Variants in SBK1 observed in about 807,000 individuals in gnomAD.
The protein encoded by SBK1 is serine/threonine-protein kinase SBK1.
A neutral mutation model predicts 24.4 loss-of-function variants in SBK1; 11 were observed. The observed-to-expected ratio is 0.45, with a 90% confidence interval of 0.28 to 0.75. The LOEUF (loss-of-function observed/expected upper bound fraction) is 0.75, where lower values mean the gene tolerates loss of function less well. Among genes scored for constraint, SBK1 ranks in the 30% least tolerant of loss-of-function variants. The probability of loss-of-function intolerance (pLI) is 0.12; values close to 1 mark genes in which losing one functional copy is unlikely to be tolerated. For synonymous variants in SBK1, 308 were observed against 284.4 expected (o/e 1.08, Z -0.83); for missense variants, 467 against 620.5 (o/e 0.75, Z 2.63).
At chr16:28,288,440 C>T (rs1321874484), upstream of SBK1, among the ~76,000 whole-genome samples, 1 of 152,218 alleles carries the variant, frequency 6.6e-6, no homozygotes, top group Non-Finnish European at 1.5e-5. Context: ...CTGTGAGCCT[C>T]TCTTTCTATG....
intron 1 of SBK1, among the ~76,000 whole-genome samples, chr16:28,279,251 C>T (rs983605844): frequency 6.7e-6 from 1 of 150,202 alleles, no homozygotes; most frequent in Admixed American, 6.6e-5. Context: ...CACCATCACA[C>T]AGCTGGGCGC....
At position 28,292,525 on chromosome 16, in the gene SBK1, G is replaced by A. The variant is rs1180746000; in HGVS notation, c.-783G>A. ...CGCGCTGGCTGGAGGGCGGAGCCGC[G>A]ATGCCGCGATGGAGCGCAGCCCGGG... On this transcript the variant is annotated 5_prime_UTR_variant, in exon 1 of 4. Transcript: ENST00000341901. 1.0e-6 allele frequency: 1 copy of A among 979,084 alleles called. No homozygotes were observed. The highest frequency in any genetic ancestry group is 1.2e-6 in the Non-Finnish European group (1 of 827,128). 60.6% of individuals were successfully genotyped at this position (979,084 alleles called of 1,614,324 possible).
chr16:28,284,769 T>C (rs746902511), intron 1 of SBK1: 2 of 152,204 alleles, frequency 1.3e-5, no homozygotes, highest in African/African-American at 4.8e-5. Flanking sequence ...GAAAAACTTC[T>C]TTCTTTTTCC....
chr16:28,280,149 A>ATATATACGTGTGTGTGTGTGTGTGTGTG (rs1230385223), intron 1 of SBK1, among the ~76,000 whole-genome samples: 1 of 39,414 alleles, frequency 2.5e-5, no homozygotes, highest in Non-Finnish European at 5.4e-5. Flanking sequence ...ATATATATAT[A>ATATATACGTGTGTGTGTGTGTGTGTGTG]TGTGTGTGTG....
chr16:28,297,068 A>G (rs1359561112), intron 1 of SBK1, among the ~76,000 whole-genome samples: 1 of 151,894 alleles, frequency 6.6e-6, no homozygotes. Context: ...GGTGGCTCAC[A>G]CCTGTAATCC....
At chr16:28,260,272 A>C (rs1171898813) in intron 1 of SBK1, among the ~76,000 whole-genome samples, 1 of 152,110 alleles carries the variant, frequency 6.6e-6, no homozygotes, top group Non-Finnish European at 1.5e-5. Context: ...GTGGGAGTTC[A>C]AGCCCTAGAG....
At chr16:28,279,405 A>G (rs976053043) in intron 1 of SBK1, among the ~76,000 whole-genome samples, 1 of 139,644 alleles carries the variant, frequency 7.2e-6, no homozygotes, top group African/African-American at 2.8e-5. Context: ...GTCTCTAAAA[A>G]ACAAAACCAA....
At chr16:28,304,133 T>A (rs1019668157) in intron 1 of SBK1, among the ~76,000 whole-genome samples, 3 of 152,218 alleles carry the variant, frequency 2.0e-5, no homozygotes, top group South Asian at 2.1e-4. Flanking sequence ...TTGTTTATAG[T>A]AATAGCAAAA....
intron 1 of SBK1, among the ~76,000 whole-genome samples, chr16:28,315,747 C>A (rs1596553863): frequency 1.3e-5 from 2 of 152,216 alleles, no homozygotes; most frequent in African/African-American, 4.8e-5. Flanking sequence ...GGCAACAGAG[C>A]AAGACCCTGT....
At chr16:28,282,764 G>A (rs12447286) in intron 1 of SBK1, among the ~76,000 whole-genome samples, 8,326 of 152,196 alleles carry the variant, frequency 0.055, 529 homozygotes, top group Admixed American at 0.19. Flanking sequence ...ACCATTCTTC[G>A]AGGGCAGGGG....
intron 1 of SBK1, among the ~76,000 whole-genome samples, chr16:28,266,872 C>T (rs772191014): frequency 4.0e-5 from 6 of 151,722 alleles, no homozygotes; most frequent in Non-Finnish European, 8.8e-5. Context: ...CCCCAAGTAG[C>T]TGGGACTACA....
At chr16:28,259,067 T>C (rs2141948504), upstream of SBK1, 1 of 152,358 alleles carries the variant, frequency 6.6e-6, no homozygotes, top group South Asian at 2.1e-4. This position sits in a 1 kb window ranked among gnomAD's most constrained non-coding sequence, Gnocchi z 6.0. Flanking sequence ...ACAGGGGCAG[T>C]TGGGGGGGCA....
chr16:28,273,655 A>T (rs527841304), intron 1 of SBK1, among the ~76,000 whole-genome samples: 1 of 152,192 alleles, frequency 6.6e-6, no homozygotes, highest in Admixed American at 6.5e-5. Context: ...GCTGGTCTTA[A>T]ACTCCTGAGC....
At chr16:28,307,744 A>G (rs1276194369) in intron 1 of SBK1, among the ~76,000 whole-genome samples, 2 of 151,482 alleles carry the variant, frequency 1.3e-5, no homozygotes, top group Non-Finnish European at 2.9e-5. Flanking sequence ...AGTCTCAAAA[A>G]AAAAAAAAAA....
intron 1 of SBK1, among the ~76,000 whole-genome samples, chr16:28,298,095 C>T (rs1431662139): frequency 6.6e-6 from 1 of 152,168 alleles, no homozygotes; most frequent in Non-Finnish European, 1.5e-5. Flanking sequence ...AAGTATTCCC[C>T]AAACCACCCC....
At chr16:28,270,112 G>T (rs1293109019) in intron 1 of SBK1, among the ~76,000 whole-genome samples, 1 of 151,934 alleles carries the variant, frequency 6.6e-6, no homozygotes, top group Non-Finnish European at 1.5e-5. Flanking sequence ...CTGTCGCCAG[G>T]CTGGAGTGCA....
chr16:28,268,207 A>G (rs2044442244), intron 1 of SBK1, among the ~76,000 whole-genome samples: 1 of 152,134 alleles, frequency 6.6e-6, no homozygotes, highest in Admixed American at 6.6e-5. Flanking sequence ...TTTCTTAAAT[A>G]TCTAAATATA....
At chr16:28,265,511 C>T (rs1282983248) in intron 1 of SBK1, among the ~76,000 whole-genome samples, 1 of 151,868 alleles carries the variant, frequency 6.6e-6, no homozygotes, top group Non-Finnish European at 1.5e-5. Flanking sequence ...TTGCTTGAGC[C>T]CAGGAGTTCA....
intron 1 of SBK1, among the ~76,000 whole-genome samples, chr16:28,304,773 A>T (rs1209545263): frequency 6.6e-6 from 1 of 151,232 alleles, no homozygotes; most frequent in Non-Finnish European, 1.5e-5. Flanking sequence ...ACGCCCAGCT[A>T]ATTTTTTTGT....
Sources: allele counts gnomAD v4.1 joint callset (sites outside exome capture counted in the v4.1 genomes callset), GRCh38; gene constraint gnomAD v4.1.1; non-coding constraint Gnocchi (gnomAD v3.1); transcripts MANE v1.5; gene names NCBI Gene and HGNC (gene_info 2026-07-23, HGNC 2026-07-21).